PKHD1L1: variants seen among roughly 807,000 people sequenced by gnomAD.
The protein encoded by PKHD1L1 is fibrocystin-L.
A neutral mutation model predicts 462.9 loss-of-function variants in PKHD1L1; 434 were observed. The observed-to-expected ratio is 0.94, with a 90% CI of 0.87 to 1.02. The LOEUF (loss-of-function observed/expected upper bound fraction) is 1.02. PKHD1L1 is among the 50% of genes least tolerant of loss of function. The pLI, the probability that PKHD1L1 is intolerant of heterozygous loss-of-function variation, is 0.00. For missense variants in PKHD1L1, 5,202 were observed against 5,096.1 expected, an observed-to-expected ratio of 1.02 and a Z score of -0.63; for synonymous variants, 1,781 against 1,750.0, an observed-to-expected ratio of 1.02 and a Z score of -0.44.
chr8:109,424,910 C>T (rs1744588338), intron 23 of PKHD1L1, among the ~76,000 whole-genome samples, 175 bp from the exon 24 acceptor site: 1 of 152,102 alleles, frequency 6.6e-6, no homozygotes, highest in Admixed American at 6.5e-5. Context: ...CTCATTATTG[C>T]AGCCATATAG....
intron 38 of PKHD1L1, among the ~76,000 whole-genome samples, chr8:109,446,412 C>T (rs1816143188): frequency 6.6e-6 from 1 of 152,104 alleles, no homozygotes; most frequent in Non-Finnish European, 1.5e-5. Context: ...CTTATTTATG[C>T]AGGTACATAC....
Position 109,494,205 on chromosome 8 carries a change from T to C in PKHD1L1, c.10327+454T>C, listed in dbSNP as rs983798105. ...CTTCTCAAATATAGATTTCTCTATA[T>C]TGGATTAGTAAAAATTAAGAGGTAA... On this transcript the variant is annotated intron_variant, in intron 63 of 77. Coordinates refer to ENST00000378402, the MANE Select transcript of PKHD1L1 (RefSeq NM_177531.6). Among the ~76,000 whole-genome samples, 3 of 152,074 alleles carry C rather than the reference T, an allele frequency of 2.0e-5. No homozygotes were observed. In the East Asian group the frequency reaches 5.8e-4, roughly 29 times the overall value.
At chr8:109,516,118 T>A (rs1375154784) in intron 72 of PKHD1L1, among the ~76,000 whole-genome samples, 1 of 152,132 alleles carries the variant, frequency 6.6e-6, no homozygotes, top group African/African-American at 2.4e-5. Flanking sequence ...CAGCTCTACA[T>A]GCTTTATATG....
In PKHD1L1 at chr8:109,452,794, G is replaced by A; in HGVS notation, c.6584G>A (p.Gly2195Glu). The change falls in exon 43 of 78, where the codon GGA becomes GAA. Residue 2195 changes from glycine (G) to glutamate (E), a missense_variant. Physicochemically the swap from Gly to Glu is moderately conservative, Grantham distance 98. Around this residue, in one of 3 missense-constraint regions of PKHD1L1, gnomAD observed 4,497 missense variants for 4,336.8 expected, o/e 1.04. Transcript: ENST00000378402. ...SWGGKSPPEEGSLVVITKGQT... is the reference protein window; with the variant it reads ...SWGGKSPPEEESLVVITKGQT... ...GGGGGAAAATCTCCCCCAGAAGAAG[G>A]ATCTCTTGTTGTTATTACAAAAGGA... The A allele has an allele frequency of 6.5e-7, 1 of 1,534,168 alleles. No homozygotes were observed. Among genetic ancestry groups the A allele is most frequent in the Non-Finnish European group, 8.8e-7 (1 of 1,142,110 alleles).
In PKHD1L1 at chr8:109,405,176, G is replaced by A. The variant is rs778094520; in HGVS notation, c.1669+46G>A. ...GAGATACTGTTTCTGTTCATGTATA[G>A]ATGTAGTCATAAAGTATTTGCTGTA... On this transcript the variant is annotated intron_variant, in intron 16 of 77. Transcript: ENST00000378402. The A allele has an allele frequency of 4.2e-6, 5 of 1,198,240 alleles. No homozygotes were observed. The East Asian group carries it at 1.4e-4, about 32-fold the overall frequency. The allele number at this position is 1,198,240 out of a possible 1,614,324, so 74.2% of individuals were successfully genotyped here. A position where few individuals can be genotyped will look rare whatever the true frequency, so the allele number is the denominator to read the frequency against.
chr8:109,459,568 A>G (rs1478660994), intron 46 of PKHD1L1, 27 bp from the exon 47 acceptor site: 1 of 332,956 alleles, frequency 3.0e-6, no homozygotes, highest in Non-Finnish European at 4.1e-6. Context: ...TATTAATTTT[A>G]AAATTTTTTT....
rs775832604 is a variant in PKHD1L1, at chr8:109,477,351, C to T, written c.9044C>T (p.Pro3015Leu). ...CILQDCFPVH[P>L]PSRKPIPKKR... ...CTCCAGGATTGCTTTCCTGTACATC[C>T]GCCATCAAGAAAACCAATTCCCAAG... The change falls in exon 53 of 78, where the codon CCG becomes CTG. Residue 3015 changes from proline (P) to leucine (L), a missense_variant. Pro to Leu is a moderately conservative substitution (Grantham distance 98). Coordinates refer to ENST00000378402, the MANE Select transcript of PKHD1L1 (RefSeq NM_177531.6). 4.8e-5 allele frequency: 78 copies of T among 1,613,160 alleles called. No individual in the cohort carries two copies. Among genetic ancestry groups the T allele is most frequent in the Non-Finnish European group, 5.5e-5 (65 of 1,179,554 alleles).
At chr8:109,446,892 A>G (rs532272806) in intron 38 of PKHD1L1, among the ~76,000 whole-genome samples, 1 of 152,270 alleles carries the variant, frequency 6.6e-6, no homozygotes, top group East Asian at 1.9e-4. Context: ...AGCAAAATTA[A>G]ATGTTAAGAC....
intron 55 of PKHD1L1, among the ~76,000 whole-genome samples, chr8:109,481,065 G>A (rs941478026): frequency 6.6e-6 from 1 of 151,886 alleles, no homozygotes; most frequent in Non-Finnish European, 1.5e-5. Flanking sequence ...TTAACTATTA[G>A]TATTAACAAT....
rs560449366 is a variant in PKHD1L1 at position 109,438,445 on chromosome 8, G to A, written c.3749G>A (p.Arg1250Gln). The A allele has an allele frequency of 2.7e-5, 42 of 1,539,976 alleles. No individual in the cohort carries two copies. The African/African-American group carries it at 3.4e-4, about 13-fold the overall frequency. ...PIITDFSPKVRTILGEVNLTI... is the reference protein window; with the variant it reads ...PIITDFSPKVQTILGEVNLTI... ...ATAACTGATTTTAGTCCAAAAGTACGAACAATACTAGGTAAGAAATTCTTC... is the reference window on the plus strand; with the variant it reads ...ATAACTGATTTTAGTCCAAAAGTACAAACAATACTAGGTAAGAAATTCTTC... Residue 1250 changes from arginine (R) to glutamine (Q), a missense_variant, in exon 31 of 78, where the codon CGA becomes CAA. Coordinates refer to ENST00000378402, the MANE Select transcript of PKHD1L1 (RefSeq NM_177531.6).
chr8:109,509,180 C>T (rs1045121497), intron 70 of PKHD1L1, among the ~76,000 whole-genome samples: 1 of 151,980 alleles, frequency 6.6e-6, no homozygotes, highest in African/African-American at 2.4e-5. Flanking sequence ...CTCACTTCTC[C>T]CACCCCAATG....
chr8:109,429,950 G>A lies in PKHD1L1; in HGVS notation c.3142G>A (p.Gly1048Arg). ...CTTGAAGGTTGAAGTCTATGTCAAT[G>A]GAATTCCAGCTAAATGTTCAGGTGA... Reference protein sequence around the residue: ...QQPQVEVYVNGIPAKCSGDCG... With the variant: ...QQPQVEVYVNRIPAKCSGDCG... The change falls in exon 27 of 78, where the codon GGA becomes AGA. Residue 1048 changes from glycine (G) to arginine (R), a missense_variant. Coordinates refer to ENST00000378402, the MANE Select transcript of PKHD1L1 (RefSeq NM_177531.6). The A allele has an allele frequency of 6.2e-7, 1 of 1,611,722 alleles. No individual in the cohort carries two copies. Among genetic ancestry groups the A allele is most frequent in the Non-Finnish European group, 8.5e-7 (1 of 1,178,722 alleles).
At position 109,460,534 on chromosome 8, in the gene PKHD1L1, G is replaced by A. The variant is rs891731094; in HGVS notation, c.7246+698G>A. ...ATTTTGGCCCAGATAATTCTCTGCT[G>A]TGGGGCACTGTCCTGTGCATCACAA... On this transcript the variant is annotated intron_variant, in intron 47 of 77. Coordinates refer to ENST00000378402, the MANE Select transcript of PKHD1L1 (RefSeq NM_177531.6). Among the ~76,000 whole-genome samples, 24 of 152,124 alleles carry A rather than the reference G, an allele frequency of 1.6e-4. 1 individual carries two copies. The highest frequency in any genetic ancestry group is 5.6e-4 in the African/African-American group (23 of 41,428).
At chr8:109,403,974 AGAATCAG>A (rs956593434) in intron 14 of PKHD1L1, among the ~76,000 whole-genome samples, 41 of 152,144 alleles carry the variant, frequency 2.7e-4, no homozygotes, top group Non-Finnish European at 5.4e-4. Context: ...GGAGACATCA[AGAATCAG>A]GAATTCAAAA....
At chr8:109,395,354 T>C (rs902731830) in intron 10 of PKHD1L1, among the ~76,000 whole-genome samples, 2 of 152,052 alleles carry the variant, frequency 1.3e-5, no homozygotes, top group African/African-American at 4.8e-5. Flanking sequence ...TCATTCCCGG[T>C]CAGGAATAAT....
chr8:109,403,339 C>T (rs190861627), intron 14 of PKHD1L1, among the ~76,000 whole-genome samples: 1 of 152,084 alleles, frequency 6.6e-6, no homozygotes, highest in South Asian at 2.1e-4. Flanking sequence ...TTTTTGGTCA[C>T]CTTATTTTGT....
At chr8:109,460,567 G>C (rs1007747304) in intron 47 of PKHD1L1, among the ~76,000 whole-genome samples, 1 of 152,102 alleles carries the variant, frequency 6.6e-6, no homozygotes, top group Non-Finnish European at 1.5e-5. Flanking sequence ...CAAGATGTTT[G>C]ACAGCACACT....
intron 2 of PKHD1L1, among the ~76,000 whole-genome samples, chr8:109,375,530 T>C (rs1310653794): frequency 6.6e-6 from 1 of 152,220 alleles, no homozygotes; most frequent in Non-Finnish European, 1.5e-5. Flanking sequence ...CCAGCTTTGT[T>C]CCGTTGCTGG....
chr8:109,369,217 AACAC>A (rs1811374617), intron 2 of PKHD1L1, among the ~76,000 whole-genome samples: 1 of 29,926 alleles, frequency 3.3e-5, no homozygotes, highest in South Asian at 1.6e-3. Flanking sequence ...TTCAGGTGAT[AACAC>A]CAGTCTTGGC....
Sources: allele counts gnomAD v4.1 joint callset (sites outside exome capture counted in the v4.1 genomes callset), GRCh38; gene constraint gnomAD v4.1.1; regional missense constraint gnomAD v4.1.1; transcripts MANE v1.5; gene names NCBI Gene and HGNC (gene_info 2026-07-23, HGNC 2026-07-21).